Variants in ZNF385B observed in about 807,000 individuals in gnomAD.
ZNF385B encodes zinc finger protein 385B.
A neutral mutation model predicts 39.2 loss-of-function variants in ZNF385B; 23 were observed. That is an observed-to-expected ratio of 0.59 (90% CI 0.42 to 0.83). ZNF385B has a LOEUF of 0.83. Among genes scored for constraint, ZNF385B ranks in the 40% least tolerant of loss-of-function variants. ZNF385B has a pLI of 0.00. For missense variants in ZNF385B, 552 were observed against 598.9 expected, an observed-to-expected ratio of 0.92 and a Z score of 0.82; for synonymous variants, 205 against 222.6, an observed-to-expected ratio of 0.92 and a Z score of 0.70.
At chr2:179,757,510 T>C (rs574985380) in intron 3 of ZNF385B, among the ~76,000 whole-genome samples, 2 of 152,320 alleles carry the variant, frequency 1.3e-5, no homozygotes, top group East Asian at 1.9e-4. Flanking sequence ...GACATTTAAG[T>C]CTGCAGAGGT....
chr2:179,483,527 C>A, intron 5 of ZNF385B, 93 bp from the exon 6 acceptor site: 1 of 1,515,364 alleles, frequency 6.6e-7, no homozygotes. Flanking sequence ...CTATCATAGG[C>A]ACCACAGACA....
chr2:179,522,029 C>T (rs1363943391), intron 4 of ZNF385B, among the ~76,000 whole-genome samples: 1 of 151,948 alleles, frequency 6.6e-6, no homozygotes, highest in African/African-American at 2.4e-5. Context: ...TTTTGGGGGA[C>T]ATGATTTAGA....
intron 3 of ZNF385B, among the ~76,000 whole-genome samples, chr2:179,597,082 CAG>C (rs1381239739): frequency 1.3e-5 from 2 of 152,190 alleles, no homozygotes; most frequent in Non-Finnish European, 2.9e-5. Context: ...CCCCTACCAG[CAG>C]AGTCTTTAAT....
At chr2:179,573,137 G>C (rs1284685697) in intron 3 of ZNF385B, among the ~76,000 whole-genome samples, 1 of 152,122 alleles carries the variant, frequency 6.6e-6, no homozygotes, top group Non-Finnish European at 1.5e-5. Context: ...ATACTTTAAA[G>C]TTGAAGAAAG....
chr2:179,503,331 C>A (rs2056932496), intron 5 of ZNF385B, among the ~76,000 whole-genome samples: 1 of 152,198 alleles, frequency 6.6e-6, no homozygotes, highest in Non-Finnish European at 1.5e-5. Context: ...AGAATTTGGA[C>A]CAATAAAAGT....
chr2:179,727,407 A>G (rs1260106515), intron 3 of ZNF385B, among the ~76,000 whole-genome samples: 1 of 152,188 alleles, frequency 6.6e-6, no homozygotes, highest in African/African-American at 2.4e-5. Flanking sequence ...AGCATGAGCT[A>G]TCTTATAATG....
intron 3 of ZNF385B, among the ~76,000 whole-genome samples, chr2:179,557,570 AT>A: frequency 2.2e-5 from 2 of 92,166 alleles, no homozygotes; most frequent in Non-Finnish European, 4.4e-5. Context: ...TTATATATGT[AT>A]GTTATATACA....
intron 6 of ZNF385B, among the ~76,000 whole-genome samples, chr2:179,448,799 T>C (rs915265888): frequency 2.0e-5 from 3 of 152,142 alleles, no homozygotes; most frequent in Non-Finnish European, 4.4e-5. Context: ...GGACTTAATA[T>C]ATCACTAGTG....
intron 3 of ZNF385B, among the ~76,000 whole-genome samples, chr2:179,735,824 T>C (rs1024490431): frequency 2.1e-5 from 3 of 146,296 alleles, no homozygotes; most frequent in South Asian, 2.2e-4. Context: ...TAGGTGGGAA[T>C]TGAACAATGA....
intron 4 of ZNF385B, among the ~76,000 whole-genome samples, chr2:179,527,367 T>C (rs1421693683): frequency 6.6e-6 from 1 of 152,184 alleles, no homozygotes; most frequent in Non-Finnish European, 1.5e-5. Context: ...TCACTCTAAT[T>C]CCATATTGTT....
chr2:179,807,670 C>G (rs1035297373), intron 1 of ZNF385B, among the ~76,000 whole-genome samples: 1 of 151,590 alleles, frequency 6.6e-6, no homozygotes, highest in Non-Finnish European at 1.5e-5. Context: ...CCAAGGTGGG[C>G]GGATCATAAG....
intron 3 of ZNF385B, among the ~76,000 whole-genome samples, chr2:179,739,074 A>T (rs1701935218): frequency 2.0e-5 from 3 of 152,222 alleles, no homozygotes; most frequent in African/African-American, 4.8e-5. Flanking sequence ...TGAGCTAGCT[A>T]GATTACTTTG....
chr2:179,485,059 C>T (rs1290274912), intron 5 of ZNF385B, among the ~76,000 whole-genome samples: 1 of 152,018 alleles, frequency 6.6e-6, no homozygotes, highest in Non-Finnish European at 1.5e-5. Flanking sequence ...AAGCAGAGGC[C>T]TGATGATACA....
chr2:179,707,436 G>C (rs1056470589), intron 3 of ZNF385B, among the ~76,000 whole-genome samples: 1 of 152,228 alleles, frequency 6.6e-6, no homozygotes, highest in Admixed American at 6.5e-5. Context: ...GGCTAAATGA[G>C]AGCAACATCC....
intron 5 of ZNF385B, among the ~76,000 whole-genome samples, chr2:179,490,533 T>C (rs17747613): frequency 2.0e-5 from 3 of 151,656 alleles, no homozygotes; most frequent in Non-Finnish European, 4.4e-5. Context: ...GGAGAAGTTA[T>C]AAATGGACCA....
At chr2:179,707,548 A>G (rs950277882) in intron 3 of ZNF385B, among the ~76,000 whole-genome samples, 5 of 152,232 alleles carry the variant, frequency 3.3e-5, no homozygotes, top group Admixed American at 2.0e-4. Flanking sequence ...CCAAGCTCCA[A>G]TGAGCTTTTC....
intron 1 of ZNF385B, among the ~76,000 whole-genome samples, chr2:179,837,987 T>C: frequency 6.6e-6 from 1 of 152,178 alleles, no homozygotes. Context: ...TACTTCAGAA[T>C]CACAGCTAAA....
At chr2:179,573,969 A>G (rs917641559) in intron 3 of ZNF385B, among the ~76,000 whole-genome samples, 1 of 152,190 alleles carries the variant, frequency 6.6e-6, no homozygotes, top group South Asian at 2.1e-4. Flanking sequence ...TAGCATTATT[A>G]TTATAATATC....
chr2:179,477,489 A>C (rs1351336896), intron 6 of ZNF385B, among the ~76,000 whole-genome samples: 1 of 152,184 alleles, frequency 6.6e-6, no homozygotes, highest in Non-Finnish European at 1.5e-5. Context: ...CACGGTCTCC[A>C]TAGGGCATGG....
Sources: allele counts gnomAD v4.1 joint callset (sites outside exome capture counted in the v4.1 genomes callset), GRCh38; gene constraint gnomAD v4.1.1; transcripts MANE v1.5; gene names NCBI Gene and HGNC (gene_info 2026-07-23, HGNC 2026-07-21).